TTLL1: variants seen among roughly 807,000 people sequenced by gnomAD.
The protein encoded by TTLL1 is polyglutamylase complex subunit TTLL1.
In TTLL1, 33 loss-of-function variants were observed where a neutral mutation model predicts 47.8. The observed-to-expected ratio is 0.69, with a 90% CI of 0.52 to 0.92. TTLL1 has a LOEUF of 0.92. Ranked by LOEUF, TTLL1 falls within the 40% of genes least tolerant of loss-of-function variation. The pLI, the probability that TTLL1 is intolerant of heterozygous loss-of-function variation, is 0.00. For missense variants in TTLL1, 488 were observed against 547.5 expected (o/e 0.89, Z 1.08); for synonymous variants, 225 against 214.1 (o/e 1.05, Z -0.45).
chr22:43,070,239 G>T (rs974552275), intron 3 of TTLL1: 1 of 1,317,986 alleles, frequency 7.6e-7, no homozygotes, highest in Admixed American at 2.3e-5. Flanking sequence ...GAAGGTCAAG[G>T]AGCCTTTAAA....
At chr22:43,087,628 A>T (rs761737165) in intron 1 of TTLL1, among the ~76,000 whole-genome samples, 1 of 151,540 alleles carries the variant, frequency 6.6e-6, no homozygotes, top group Non-Finnish European at 1.5e-5. Context: ...ACCTGAGGTC[A>T]GGAATTCAAA....
At chr22:43,050,234 G>A (rs1375132976) in intron 9 of TTLL1, among the ~76,000 whole-genome samples, 1 of 151,848 alleles carries the variant, frequency 6.6e-6, no homozygotes, top group Non-Finnish European at 1.5e-5. Flanking sequence ...TGACCAAAAT[G>A]GTGAAACACC....
intron 3 of TTLL1, chr22:43,070,363 T>C (rs994309755): frequency 2.0e-5 from 9 of 454,154 alleles, no homozygotes; most frequent in Non-Finnish European, 3.3e-5. Flanking sequence ...AGATTCCTTC[T>C]GAGCCTCTGA....
intron 8 of TTLL1, among the ~76,000 whole-genome samples, chr22:43,056,486 T>TA (rs886670580): frequency 2.1e-5 from 3 of 143,834 alleles, no homozygotes; most frequent in Non-Finnish European, 4.5e-5. Flanking sequence ...TTTTTTTTTT[T>TA]AAAGAGACAG....
intron 1 of TTLL1, among the ~76,000 whole-genome samples, chr22:43,087,837 C>CAAAA (rs134988): frequency 6.4e-5 from 4 of 62,946 alleles, no homozygotes; most frequent in Admixed American, 1.9e-4. Context: ...GAGACGGTCT[C>CAAAA]AAAAAAAAAA....
intron 4 of TTLL1, among the ~76,000 whole-genome samples, chr22:43,069,042 T>C (rs932980911): frequency 4.6e-5 from 7 of 151,802 alleles, no homozygotes; most frequent in Non-Finnish European, 1.0e-4. Flanking sequence ...TCAAGAAGTA[T>C]TTCCCCAGGC....
chr22:43,044,352 G>T (rs1925934310), intron 10 of TTLL1, among the ~76,000 whole-genome samples: 1 of 152,036 alleles, frequency 6.6e-6, no homozygotes, highest in African/African-American at 2.4e-5. Flanking sequence ...CCTTGCACCT[G>T]CTCCTCCTGT....
At chr22:43,062,193 TAAGTTG>T (rs150634303) in intron 7 of TTLL1, among the ~76,000 whole-genome samples, 11,619 of 152,102 alleles carry the variant, frequency 0.076, 821 homozygotes, top group East Asian at 0.41. Flanking sequence ...GAAAATATTG[TAAGTTG>T]AAAGTAGATT....
At chr22:43,070,053 G>C (rs1431128537) in intron 3 of TTLL1, 1 of 1,175,334 alleles carries the variant, frequency 8.5e-7, no homozygotes, top group African/African-American at 1.5e-5. Context: ...TGAGGGCCAG[G>C]AGCTGTGCTG....
At chr22:43,080,902 C>CTGTTTTTTTTTT (rs1928833162) in intron 1 of TTLL1, among the ~76,000 whole-genome samples, 2 of 69,302 alleles carry the variant, frequency 2.9e-5, no homozygotes, top group Non-Finnish European at 2.6e-5. Flanking sequence ...TGTTGCATGA[C>CTGTTTTTTTTTT]TTTTTTTTTT....
At chr22:43,040,679 C>T (rs1569404647) in intron 10 of TTLL1, among the ~76,000 whole-genome samples, 1 of 152,202 alleles carries the variant, frequency 6.6e-6, no homozygotes, top group Non-Finnish European at 1.5e-5. Flanking sequence ...CTCCTGACCT[C>T]AGGTGATCTG....
At chr22:43,077,048 C>T (rs557529981) in intron 2 of TTLL1, among the ~76,000 whole-genome samples, 11 of 151,992 alleles carry the variant, frequency 7.2e-5, no homozygotes, top group East Asian at 5.8e-4. Flanking sequence ...TTGCAGTGAG[C>T]GGAGATCGCA....
chr22:43,041,830 C>T (rs1925706827), intron 10 of TTLL1, among the ~76,000 whole-genome samples: 1 of 152,120 alleles, frequency 6.6e-6, no homozygotes, highest in Admixed American at 6.6e-5. Flanking sequence ...TTTCTGACTT[C>T]TGTCTGTGAA....
intron 10 of TTLL1, among the ~76,000 whole-genome samples, chr22:43,040,916 C>T (rs1177895194): frequency 6.6e-6 from 1 of 152,222 alleles, no homozygotes; most frequent in Non-Finnish European, 1.5e-5. Context: ...AGTCCTGGGT[C>T]CTTCCCACAG....
chr22:43,077,894 C>G (rs1928615337), intron 2 of TTLL1, among the ~76,000 whole-genome samples: 1 of 152,006 alleles, frequency 6.6e-6, no homozygotes, highest in Non-Finnish European at 1.5e-5. Flanking sequence ...ATCACTTGAG[C>G]CCAAGAGTTT....
Position 43,068,467 on chromosome 22 carries a change from A to G in TTLL1, c.446T>C (p.Phe149Ser). 1 of 1,572,016 alleles carries G rather than the reference A, an allele frequency of 6.4e-7. No individual in the cohort carries two copies. Among genetic ancestry groups the G allele is most frequent in the Non-Finnish European group, 8.7e-7 (1 of 1,148,346 alleles). ...GATCTGTGAGAGCTTGTTGATAAGG[A>G]AGATGCCCTTTCCCTGGGCCTTGCC... ...PCGKAQGKGI[F>S]LINKLSQIKK... Residue 149 changes from phenylalanine (F) to serine (S), a missense_variant, in exon 5 of 11, where the codon TTC becomes TCC. Transcript: ENST00000266254.
Position 43,068,432 on chromosome 22 carries a change from A to ACCACTTTTTGAT in TTLL1, c.469_480dup (p.Ile157_Trp160dup). 5 of 1,540,372 alleles carry ACCACTTTTTGAT rather than the reference A, an allele frequency of 3.2e-6. No homozygotes were observed. The highest frequency in any genetic ancestry group is 4.4e-6 in the Non-Finnish European group (5 of 1,128,276). ...TACGAAGATGTCTTGCTGTCCCGGG[A>ACCACTTTTTGAT]CCACTTTTTGATCTGTGAGAGCTTG... On this transcript the variant is annotated inframe_insertion, in exon 5 of 11. Transcript: ENST00000266254.
At position 43,072,154 on chromosome 22, in the gene TTLL1, C is replaced by CTT. The variant is rs60673775; in HGVS notation, c.114-2312_114-2311dup. On this transcript the variant is annotated intron_variant, in intron 3 of 10. Transcript: ENST00000266254. ...TCGCAACCATCTTTATTTTCTTTTT[C>CTT]TTTTTTTTTTTTTTTTTGAGACGGA... Among the ~76,000 whole-genome samples, 61 of 138,862 alleles carry CTT rather than the reference C, an allele frequency of 4.4e-4. 1 individual carries two copies. Among genetic ancestry groups the CTT allele is most frequent in the East Asian group, 2.5e-3 (12 of 4,744 alleles). 91.1% of individuals were successfully genotyped at this position (138,862 alleles called of 152,430 possible).
chr22:43,055,896 T>TC (rs1315715928), intron 8 of TTLL1, among the ~76,000 whole-genome samples: 4 of 151,520 alleles, frequency 2.6e-5, no homozygotes, highest in African/African-American at 4.9e-5. Flanking sequence ...AGAGAATGTT[T>TC]CTTTTTTTGT....
Sources: allele counts gnomAD v4.1 joint callset (sites outside exome capture counted in the v4.1 genomes callset), GRCh38; gene constraint gnomAD v4.1.1; transcripts MANE v1.5; gene names NCBI Gene and HGNC (gene_info 2026-07-23, HGNC 2026-07-21).